The following COL22A1 variants were observed in gnomAD, a reference collection of about 807,000 sequenced individuals.
The protein encoded by COL22A1 is collagen alpha-1(XXII) chain.
A neutral mutation model predicts 248.9 loss-of-function variants in COL22A1; 221 were observed. The ratio of observed to expected loss-of-function variants is 0.89; its 90% confidence interval spans 0.80 to 0.99. COL22A1 has a LOEUF of 0.99. Among genes scored for constraint, COL22A1 ranks in the 50% least tolerant of loss-of-function variants. The probability of loss-of-function intolerance (pLI) is 0.00; values close to 1 mark genes in which losing one functional copy is unlikely to be tolerated. For synonymous variants in COL22A1, 891 were observed against 793.4 expected, an observed-to-expected ratio of 1.12 and a Z score of -2.07; for missense variants, 2,240 against 2,179.0, an observed-to-expected ratio of 1.03 and a Z score of -0.56.
At chr8:138,864,370 C>A (rs1329223255) in intron 3 of COL22A1, among the ~76,000 whole-genome samples, 1 of 151,654 alleles carries the variant, frequency 6.6e-6, no homozygotes, top group African/African-American at 2.4e-5. Flanking sequence ...GCAGATGAGG[C>A]CCTCCTTGGC....
At chr8:138,614,534 T>C (rs1160001395) in intron 55 of COL22A1, among the ~76,000 whole-genome samples, 2 of 152,214 alleles carry the variant, frequency 1.3e-5, no homozygotes, top group South Asian at 2.1e-4. Flanking sequence ...GAAGGAAGCA[T>C]AGCCCATCAC....
In COL22A1 at chr8:138,656,094, C is replaced by A; in HGVS notation, c.3286-150G>T. 4 of 656,714 alleles carry A rather than the reference C, an allele frequency of 6.1e-6. No individual in the cohort carries two copies. The Admixed American group carries it at 8.5e-5, about 14-fold the overall frequency. The allele number at this position is 656,714 out of a possible 1,614,324, so 40.7% of individuals were successfully genotyped here. ...GATACGGACAGCCCAGTGGATGTCC[C>A]AAGCCTGGGAGCCACAGAAAGAACA... On this transcript the variant is annotated intron_variant, in intron 44 of 64. Transcript: ENST00000303045.
At chr8:138,730,453 C>T (rs1404128279) in intron 23 of COL22A1, among the ~76,000 whole-genome samples, 1 of 152,164 alleles carries the variant, frequency 6.6e-6, no homozygotes, top group Non-Finnish European at 1.5e-5. Flanking sequence ...CAGCCCTCCA[C>T]TCCAGAAAAT....
Position 138,676,571 on chromosome 8 carries a change from A to T in COL22A1, c.3137T>A (p.Val1046Asp), listed in dbSNP as rs1418615084. ...ATAAAGACTTACAGGAGGGCCAGCAACCCCAATGCCTGGGTCACCACGGCT... is the reference window on the plus strand; with the variant it reads ...ATAAAGACTTACAGGAGGGCCAGCATCCCCAATGCCTGGGTCACCACGGCT... ...PGSRGDPGIGVAGPPGPSGPP... is the reference protein window; with the variant it reads ...PGSRGDPGIGDAGPPGPSGPP... Residue 1046 changes from valine (V) to aspartate (D), a missense_variant, in exon 41 of 65, where the codon GTT becomes GAT. By Grantham distance (152) the Val-to-Asp change is radical (BLOSUM62 -3). Coordinates refer to ENST00000303045, the MANE Select transcript of COL22A1 (RefSeq NM_152888.3). 1.0e-5 allele frequency: 16 copies of T among 1,565,026 alleles called. No homozygotes were observed. The highest frequency in any genetic ancestry group is 1.4e-5 in the Non-Finnish European group (16 of 1,153,680).
intron 32 of COL22A1, among the ~76,000 whole-genome samples, chr8:138,699,643 C>G (rs1564212643): frequency 6.6e-6 from 1 of 152,060 alleles, no homozygotes; most frequent in South Asian, 2.1e-4. Flanking sequence ...CATCGGCACA[C>G]CCCAGGCTAC....
At chr8:138,870,043 G>A (rs1823202489) in intron 3 of COL22A1, among the ~76,000 whole-genome samples, 1 of 151,960 alleles carries the variant, frequency 6.6e-6, no homozygotes, top group African/African-American at 2.4e-5. Context: ...CATATGTGGA[G>A]TATTATGTGG....
chr8:138,894,200 C>G (rs1825246416), intron 1 of COL22A1, among the ~76,000 whole-genome samples: 1 of 152,204 alleles, frequency 6.6e-6, no homozygotes, highest in South Asian at 2.1e-4. Flanking sequence ...AGAAAAGGTT[C>G]AGACATGCTT....
chr8:138,598,930 C>G, intron 60 of COL22A1, 32 bp from the exon 61 acceptor site: 1 of 1,610,622 alleles, frequency 6.2e-7, no homozygotes, highest in South Asian at 1.1e-5. Context: ...CAGCATGTGT[C>G]TCAGGGCTGG....
At chr8:138,715,634 C>G in intron 30 of COL22A1, 48 bp downstream of exon 30, 1 of 1,365,836 alleles carries the variant, frequency 7.3e-7, no homozygotes, top group Non-Finnish European at 1.0e-6. Context: ...TTTAGAAAAA[C>G]CCAACTAATA....
Position 138,877,950 on chromosome 8 carries a change from C to A in COL22A1, c.458G>T (p.Arg153Leu). The A allele has an allele frequency of 6.3e-7, 1 of 1,596,790 alleles. No homozygotes were observed. Among genetic ancestry groups the A allele is most frequent in the Non-Finnish European group, 8.5e-7 (1 of 1,171,460 alleles). Residue 153 changes from arginine (R) to leucine (L), a missense_variant, in exon 3 of 65, where the codon CGC becomes CTC. By Grantham distance (102) the Arg-to-Leu change is moderately radical. Coordinates refer to ENST00000303045, the MANE Select transcript of COL22A1 (RefSeq NM_152888.3). ...GGCGTCCAGCACCAGGTCCTGGCTG[C>A]GGCCGTCGGTGAGCAGGATGGCCAC... ...KQVAILLTDG[R>L]SQDLVLDAAA...
chr8:138,691,011 C>G, intron 35 of COL22A1, 137 bp from the exon 36 acceptor site: 1 of 613,438 alleles, frequency 1.6e-6, no homozygotes, highest in Non-Finnish European at 2.7e-6. Flanking sequence ...CCTCTGCAGA[C>G]GTGAACCTCC....
intron 10 of COL22A1, among the ~76,000 whole-genome samples, chr8:138,803,575 C>T (rs1409759609): frequency 1.3e-5 from 2 of 152,108 alleles, no homozygotes. Flanking sequence ...CAACCAGAGT[C>T]CCCTGGGCAT....
At chr8:138,765,540 C>T (rs928529062) in intron 16 of COL22A1, among the ~76,000 whole-genome samples, 2 of 152,200 alleles carry the variant, frequency 1.3e-5, no homozygotes, top group Non-Finnish European at 2.9e-5. Context: ...GACATCCGGG[C>T]CTGAGTGACT....
intron 57 of COL22A1, among the ~76,000 whole-genome samples, chr8:138,607,198 G>A (rs1423371478): frequency 3.3e-5 from 5 of 152,174 alleles, no homozygotes; most frequent in Admixed American, 6.5e-5. Context: ...CGCAGTATCC[G>A]AAGTACCAAG....
intron 12 of COL22A1, among the ~76,000 whole-genome samples, chr8:138,794,516 G>A (rs1484339373): frequency 2.0e-5 from 3 of 152,208 alleles, no homozygotes; most frequent in Admixed American, 1.3e-4. Context: ...TAGCAATTCT[G>A]CTTCTGAATA....
At chr8:138,647,652 C>T (rs1232365257) in intron 46 of COL22A1, among the ~76,000 whole-genome samples, 1 of 152,150 alleles carries the variant, frequency 6.6e-6, no homozygotes, top group Non-Finnish European at 1.5e-5. Context: ...GGAGTGTCAG[C>T]TGCTTGACTC....
At chr8:138,755,755 C>T in intron 19 of COL22A1, 30 bp downstream of exon 19, 1 of 1,612,174 alleles carries the variant, frequency 6.2e-7, no homozygotes, top group Non-Finnish European at 8.5e-7. Flanking sequence ...CCAGCACCTG[C>T]ATCCATGATT....
At chr8:138,783,936 TCAGAGCC>T (rs936364628) in intron 12 of COL22A1, among the ~76,000 whole-genome samples, 3 of 152,116 alleles carry the variant, frequency 2.0e-5, no homozygotes, top group South Asian at 4.2e-4. Context: ...CTGCTGTGGC[TCAGAGCC>T]CAGAGCCCAG....
chr8:138,694,810 G>T lies in COL22A1; in HGVS notation c.2646+16C>A, dbSNP rs1360058136. ...GGTAACCAGCCCTGCGGGGGAAGGG[G>T]ACACAAGAGACTCACCGGTTCCCCA... On this transcript the variant is annotated intron_variant, in intron 33 of 64. Coordinates refer to ENST00000303045, the MANE Select transcript of COL22A1 (RefSeq NM_152888.3). The T allele has an allele frequency of 6.2e-7, 1 of 1,613,604 alleles. No individual in the cohort carries two copies. The highest frequency in any genetic ancestry group is 1.7e-5 in the Admixed American group (1 of 59,966).
Sources: gnomAD v4.1 joint callset for allele counts (sites outside exome capture counted in the v4.1 genomes callset) on GRCh38, gnomAD v4.1.1 for gene constraint, MANE v1.5 for transcripts, NCBI Gene and HGNC (gene_info 2026-07-23, HGNC 2026-07-21) for gene names.